The following KCNK12 variants were observed in gnomAD, a reference collection of about 807,000 sequenced individuals.
The protein encoded by KCNK12 is potassium two pore domain channel subfamily K member 12.
A neutral mutation model predicts 25.3 loss-of-function variants in KCNK12; 6 were observed. The ratio of observed to expected loss-of-function variants is 0.24; its 90% CI spans 0.13 to 0.47. The LOEUF is 0.47. KCNK12 is among the 20% of genes least tolerant of loss of function. The pLI is 0.99. For missense variants in KCNK12, 444 were observed against 661.7 expected (o/e 0.67, Z 3.61); for synonymous variants, 331 against 311.1 (o/e 1.06, Z -0.67).
At position 47,519,546 on chromosome 2, in the gene KCNK12, C is replaced by T. The variant is rs1386627560; in HGVS notation, c.*1361G>A. 6.6e-6 allele frequency: 1 copy of T among 152,170 alleles called. No individual in the cohort carries two copies. Among genetic ancestry groups the T allele is most frequent in the Admixed American group, 6.5e-5 (1 of 15,276 alleles). 9.4% of individuals were successfully genotyped at this position (152,170 alleles called of 1,614,324 possible). On this transcript the variant is annotated 3_prime_UTR_variant, in exon 2 of 2. Transcript: ENST00000327876. ...CCAGACCACTATCCTTTCAATGAAG[C>T]CTGGGTATCTGGCCTTCCTCCAGGT...
chr2:47,534,345 G>A (rs949520212), intron 1 of KCNK12, among the ~76,000 whole-genome samples: 7 of 151,882 alleles, frequency 4.6e-5, no homozygotes, highest in South Asian at 2.1e-4. Context: ...GGTAGCTCCC[G>A]TTTAACAACC....
Position 47,521,251 on chromosome 2 carries a change from A to T in KCNK12, c.949T>A (p.Cys317Ser). The T allele has an allele frequency of 1.2e-6, 2 of 1,607,370 alleles. No individual in the cohort carries two copies. The highest frequency in any genetic ancestry group is 1.7e-6 in the Non-Finnish European group (2 of 1,177,630). ...GGAGCCGGGCAGCAGCGCGCGCAGCAGCGGCAGCTCAGCTTGCGCAGCATC... is the reference window on the plus strand; with the variant it reads ...GGAGCCGGGCAGCAGCGCGCGCAGCTGCGGCAGCTCAGCTTGCGCAGCATC... ...NWMLRKLSCRCCARCCPAPGA... is the reference protein window; with the variant it reads ...NWMLRKLSCRSCARCCPAPGA... The change falls in exon 2 of 2, where the codon TGC becomes AGC. Residue 317 changes from cysteine (C) to serine (S), a missense_variant. Coordinates refer to ENST00000327876, the MANE Select transcript of KCNK12 (RefSeq NM_022055.2).
rs1167222590 is a variant in KCNK12 at position 47,528,750 on chromosome 2, G to C, written c.392-6942C>G. 1.3e-5 allele frequency among the ~76,000 whole-genome samples: 2 copies of C among 152,266 alleles called. No homozygotes were observed. Among genetic ancestry groups the C allele is most frequent in the Non-Finnish European group, 2.9e-5 (2 of 68,044 alleles). On this transcript the variant is annotated intron_variant, in intron 1 of 1. Transcript: ENST00000327876. The surrounding 1 kb of genome is among the most constrained non-coding windows in gnomAD (Gnocchi z 4.5). The stretch of plus-strand genomic sequence containing the variant: ...CACTTTGACAAAAGCTGTGAAGCTC[G>C]TTCCCACAGCCTGTCTGGTGCCGCC...
At chr2:47,536,580 A>G (rs915802262) in intron 1 of KCNK12, among the ~76,000 whole-genome samples, 4 of 152,214 alleles carry the variant, frequency 2.6e-5, no homozygotes, top group Admixed American at 6.5e-5. Context: ...GACTATGGTG[A>G]ATAAGATTGC....
chr2:47,563,293 C>G (rs1010724494), intron 1 of KCNK12: 3 of 233,512 alleles, frequency 1.3e-5, no homozygotes, highest in Non-Finnish European at 2.5e-5. Flanking sequence ...TTCTGGGAAG[C>G]CTTGGTGCCC....
In KCNK12 at chr2:47,562,483, GGGT is replaced by G. The variant is rs2104888827; in HGVS notation, c.391+7455_391+7457del. 4.0e-6 allele frequency: 1 copy of G among 247,944 alleles called. No homozygotes were observed. The highest frequency in any genetic ancestry group is 1.8e-4 in the South Asian group (1 of 5,628). The allele number at this position is 247,944 out of a possible 1,614,324, so 15.4% of individuals were successfully genotyped here. ...AGCCAGGAACTTAGCCCCATGTTGG[GGGT>G]TGGCCAAGCGCAGGGAGGAGGCAGC... On this transcript the variant is annotated intron_variant, in intron 1 of 1. Coordinates refer to ENST00000327876, the MANE Select transcript of KCNK12 (RefSeq NM_022055.2). The surrounding 1 kb of genome is among the most constrained non-coding windows in gnomAD (Gnocchi z 4.8).
Position 47,560,384 on chromosome 2 carries a change from C to T in KCNK12, c.391+9557G>A, listed in dbSNP as rs185851027. Among the ~76,000 whole-genome samples, 412 of 152,328 alleles carry T rather than the reference C, an allele frequency of 2.7e-3. 3 individuals are homozygous for T. The highest frequency in any genetic ancestry group is 9.6e-3 in the African/African-American group (399 of 41,570). ...GCCCTCGCTTTAGTGTAGCCACTGA[C>T]ACTGCCAGAAGCACAGCACAGCCAA... is the stretch of plus-strand genomic sequence containing the variant. On this transcript the variant is annotated intron_variant, in intron 1 of 1. Transcript: ENST00000327876. This position sits in a 1 kb window ranked among gnomAD's most constrained non-coding sequence, Gnocchi z 4.7.
At chr2:47,549,401 T>G (rs1366146539) in intron 1 of KCNK12, among the ~76,000 whole-genome samples, 3 of 152,048 alleles carry the variant, frequency 2.0e-5, no homozygotes, top group Admixed American at 6.5e-5. Context: ...AATGTAAAAT[T>G]CATGATGTTC....
chr2:47,517,114 A>G lies in KCNK12; in HGVS notation c.*3793T>C, dbSNP rs1176494247. Reference sequence around the variant, plus strand: ...CTGGCTGTCTGGCTGTGCTTTCCAGACAGTGTGTATGTGGAATTGTGCTTT... The same window carrying G: ...CTGGCTGTCTGGCTGTGCTTTCCAGGCAGTGTGTATGTGGAATTGTGCTTT... On this transcript the variant is annotated 3_prime_UTR_variant, in exon 2 of 2. Coordinates refer to ENST00000327876, the MANE Select transcript of KCNK12 (RefSeq NM_022055.2). The surrounding 1 kb of genome is among the most constrained non-coding windows in gnomAD (Gnocchi z 4.1). 1.3e-5 allele frequency: 2 copies of G among 152,228 alleles called. No individual in the cohort carries two copies. The highest frequency in any genetic ancestry group is 2.9e-5 in the Non-Finnish European group (2 of 68,062). 9.4% of individuals were successfully genotyped at this position (152,228 alleles called of 1,614,324 possible). A position where few individuals can be genotyped will look rare whatever the true frequency, so the allele number is the denominator to read the frequency against.
intron 1 of KCNK12, among the ~76,000 whole-genome samples, chr2:47,532,628 C>T (rs1315202240): frequency 6.6e-6 from 1 of 152,218 alleles, no homozygotes; most frequent in Non-Finnish European, 1.5e-5. Context: ...GGACAACTCA[C>T]AGTCAAGGCG....
chr2:47,529,739 C>T lies in KCNK12; in HGVS notation c.392-7931G>A, dbSNP rs77871292. ...CCATGGGAAGGCTGAGGCGTGGACT[C>T]AGTGGGCAGGGATGGAAAAAGACTC... On this transcript the variant is annotated intron_variant, in intron 1 of 1. Coordinates refer to ENST00000327876, the MANE Select transcript of KCNK12 (RefSeq NM_022055.2). This position sits in a 1 kb window ranked among gnomAD's most constrained non-coding sequence, Gnocchi z 4.3. Among the ~76,000 whole-genome samples, 1,337 of 152,274 alleles carry T rather than the reference C, an allele frequency of 8.8e-3. 18 individuals are homozygous for T. The highest frequency in any genetic ancestry group is 0.03 in the African/African-American group (1,259 of 41,528).
intron 1 of KCNK12, among the ~76,000 whole-genome samples, chr2:47,558,122 G>A (rs1430150893): frequency 1.3e-5 from 2 of 152,214 alleles, no homozygotes; most frequent in Non-Finnish European, 2.9e-5. Context: ...CATTGATTCT[G>A]AAAATATTTC....
At chr2:47,545,159 G>A (rs547104363) in intron 1 of KCNK12, among the ~76,000 whole-genome samples, 2 of 152,286 alleles carry the variant, frequency 1.3e-5, no homozygotes, top group Admixed American at 1.3e-4. Flanking sequence ...ACTGGCAGAA[G>A]GCAAATGAAG....
At position 47,557,281 on chromosome 2, in the gene KCNK12, G is replaced by T. The variant is rs547669658; in HGVS notation, c.391+12660C>A. On this transcript the variant is annotated intron_variant, in intron 1 of 1. Transcript: ENST00000327876. This position sits in a 1 kb window ranked among gnomAD's most constrained non-coding sequence, Gnocchi z 4.9. Reference sequence around the variant, plus strand: ...AGTGGGTTGGTTATTGCGGGAGTGGGCTCCTGATAAAAGGATGAGTTTGGG... The same window carrying T: ...AGTGGGTTGGTTATTGCGGGAGTGGTCTCCTGATAAAAGGATGAGTTTGGG... Among the ~76,000 whole-genome samples the T allele has an allele frequency of 1.3e-5, 2 of 152,268 alleles. No homozygotes were observed. Among genetic ancestry groups the T allele is most frequent in the South Asian group, 2.1e-4 (1 of 4,824 alleles).
rs367857538 is a variant in KCNK12, at chr2:47,551,925, C to CT, written c.391+18015_391+18016insA. Among the ~76,000 whole-genome samples the CT allele has an allele frequency of 2.1e-3, 324 of 152,274 alleles. 3 individuals carry two copies. The highest frequency in any genetic ancestry group is 7.2e-3 in the African/African-American group (299 of 41,548). On this transcript the variant is annotated intron_variant, in intron 1 of 1. Transcript: ENST00000327876. The surrounding 1 kb of genome is among the most constrained non-coding windows in gnomAD (Gnocchi z 5.3). ...AGGGCCTTGTAGATACTGGCTCATT[C>CT]AATCCTGCAACCCAGAGGAGCTGGG... is the stretch of plus-strand genomic sequence containing the variant.
rs1333468991 is a variant in KCNK12, at chr2:47,532,033, C to T, written c.392-10225G>A. On this transcript the variant is annotated intron_variant, in intron 1 of 1. Transcript: ENST00000327876. ...CTGCACTCCAGCCTGGGTGACAAAGCGCGACTCCGTCTCAAAAAAAACCCC... is the reference window on the plus strand; with the variant it reads ...CTGCACTCCAGCCTGGGTGACAAAGTGCGACTCCGTCTCAAAAAAAACCCC... 3.3e-5 allele frequency among the ~76,000 whole-genome samples: 5 copies of T among 151,966 alleles called. No homozygotes were observed. In the East Asian group the frequency reaches 5.8e-4, roughly 18 times the overall value.
At position 47,570,242 on chromosome 2, in the gene KCNK12, C is replaced by T. The variant is rs1409926109; in HGVS notation, c.90G>A (p.Ser30=). 6.9e-7 allele frequency: 1 copy of T among 1,459,014 alleles called. No individual in the cohort carries two copies. Among genetic ancestry groups the T allele is most frequent in the South Asian group, 1.3e-5 (1 of 76,596 alleles). 90.4% of individuals were successfully genotyped at this position (1,459,014 alleles called of 1,614,324 possible). The change falls in exon 1 of 2, where the codon TCG becomes TCA. Residue 30 remains serine (S), a synonymous_variant. Transcript: ENST00000327876. ...AGCGGCCGGTGTCCTCGTTGAGGTG[C>T]GAACGGCGGCAGCAGCAGCAGCAGC... ...PSCCCCCCRR[S]HLNEDTGRFV...
chr2:47,554,488 C>A (rs565516248), intron 1 of KCNK12, among the ~76,000 whole-genome samples: 1 of 152,272 alleles, frequency 6.6e-6, no homozygotes, highest in African/African-American at 2.4e-5. Flanking sequence ...CAGAGCAGTG[C>A]GCCAGGCAGC....
Position 47,557,948 on chromosome 2 carries a change from A to G in KCNK12, c.391+11993T>C, listed in dbSNP as rs764669293. ...CAAGTTACATCTCTCTTTAAATATA[A>G]TGGGGTATGTTGCTGCTTACAGGAG... On this transcript the variant is annotated intron_variant, in intron 1 of 1. Transcript: ENST00000327876. The surrounding 1 kb of genome is among the most constrained non-coding windows in gnomAD (Gnocchi z 4.9). Among the ~76,000 whole-genome samples, 23 of 152,136 alleles carry G rather than the reference A, an allele frequency of 1.5e-4. No individual in the cohort carries two copies. Among genetic ancestry groups the G allele is most frequent in the Non-Finnish European group, 2.1e-4 (14 of 68,016 alleles).
Sources: allele counts gnomAD v4.1 joint callset (sites outside exome capture counted in the v4.1 genomes callset), GRCh38; gene constraint gnomAD v4.1.1; non-coding constraint Gnocchi (gnomAD v3.1); transcripts MANE v1.5; gene names NCBI Gene and HGNC (gene_info 2026-07-23, HGNC 2026-07-21).